Variants in RAB7B observed in about 807,000 individuals in gnomAD.
RAB7B encodes the protein RAB7B, member RAS oncogene family, also known as ras-related protein Rab-7b.
rs1054475248 is a variant in RAB7B at position 206,000,737 on chromosome 1, A to G, written c.-17+2516T>C. On this transcript the variant is annotated intron_variant, in intron 1 of 5. Coordinates refer to ENST00000617070, the MANE Select transcript of RAB7B (RefSeq NM_001164522.3). The stretch of plus-strand genomic sequence containing the variant: ...TTCCTATGGTGTAAACACTTCCACC[A>G]TGGCTGACTTCAAGCTACCAGCGTG... Among the ~76,000 whole-genome samples the G allele has an allele frequency of 3.9e-4, 59 of 152,310 alleles. 2 individuals carry two copies. Among genetic ancestry groups the G allele is most frequent in the Admixed American group, 3.8e-3 (58 of 15,306 alleles).
chr1:205,996,708 G>C, intron 1 of RAB7B, among the ~76,000 whole-genome samples: 1 of 152,262 alleles, frequency 6.6e-6, no homozygotes, highest in Middle Eastern at 3.4e-3. Flanking sequence ...CCTGAGACTG[G>C]GTAATTTATG....
In RAB7B at chr1:205,986,315, C is replaced by A. The variant is rs888863237; in HGVS notation, c.397-650G>T. ...GTCACTTTATCATATATGAACTCAT[C>A]TCATCCTCTCCATGACCCTGTGAGA... On this transcript the variant is annotated intron_variant, in intron 4 of 5. Coordinates refer to ENST00000617070, the MANE Select transcript of RAB7B (RefSeq NM_001164522.3). 7.0e-3 allele frequency among the ~76,000 whole-genome samples: 1,072 copies of A among 152,334 alleles called. 18 individuals are homozygous for A. The highest frequency in any genetic ancestry group is 0.023 in the African/African-American group (972 of 41,566).
chr1:205,990,689 C>T (rs1660706123), intron 4 of RAB7B, among the ~76,000 whole-genome samples: 1 of 152,076 alleles, frequency 6.6e-6, no homozygotes, highest in Non-Finnish European at 1.5e-5. Context: ...GCGAAATGTT[C>T]CCAGTGGAGG....
intron 5 of RAB7B, among the ~76,000 whole-genome samples, chr1:205,985,228 C>T (rs1660568445): frequency 6.6e-6 from 1 of 152,342 alleles, no homozygotes; most frequent in South Asian, 2.1e-4. Flanking sequence ...TTCTCAAACC[C>T]TTCCTCGTTA....
At position 205,978,681 on chromosome 1, in the gene RAB7B, A is replaced by C; in HGVS notation, c.*170T>G. 1 of 391,928 alleles carries C rather than the reference A, an allele frequency of 2.6e-6. No homozygotes were observed. The highest frequency in any genetic ancestry group is 4.5e-6 in the Non-Finnish European group (1 of 222,326). 24.3% of individuals were successfully genotyped at this position (391,928 alleles called of 1,614,324 possible). A position where few individuals can be genotyped will look rare whatever the true frequency, so the allele number is the denominator to read the frequency against. ...AGCCTGAGCCAGGGGCTGCCCTCTG[A>C]CTCTGGGCCCAGCACCAGGGTCAAG... On this transcript the variant is annotated 3_prime_UTR_variant, in exon 6 of 6. Coordinates refer to ENST00000617070, the MANE Select transcript of RAB7B (RefSeq NM_001164522.3).
In RAB7B at chr1:205,981,726, T is replaced by A. The variant is rs1384417331; in HGVS notation, c.523-2798A>T. Among the ~76,000 whole-genome samples the A allele has an allele frequency of 2.5e-5, 2 of 80,310 alleles. 1 individual carries two copies. The highest frequency in any genetic ancestry group is 5.6e-5 in the Non-Finnish European group (2 of 35,918). The allele number at this position is 80,310 out of a possible 152,430, so 52.7% of individuals were successfully genotyped here. On this transcript the variant is annotated intron_variant, in intron 5 of 5. Transcript: ENST00000617070. ...CCTACTGTGATTTCCTTCACAATGTTAACTGAACACCTACTCTGGTTTCTT... is the reference window on the plus strand; with the variant it reads ...CCTACTGTGATTTCCTTCACAATGTAAACTGAACACCTACTCTGGTTTCTT...
chr1:205,990,992 C>T (rs1257619424), intron 4 of RAB7B, among the ~76,000 whole-genome samples: 1 of 151,870 alleles, frequency 6.6e-6, no homozygotes, highest in Admixed American at 6.6e-5. Flanking sequence ...AGTCTGGTCT[C>T]GAACTCCAGA....
At chr1:205,988,080 G>T (rs1246441968) in intron 4 of RAB7B, among the ~76,000 whole-genome samples, 1 of 151,650 alleles carries the variant, frequency 6.6e-6, no homozygotes, top group Non-Finnish European at 1.5e-5. Context: ...TGGGCATTCG[G>T]TACATTCATA....
At chr1:205,985,981 T>C (rs1660598460) in intron 4 of RAB7B, among the ~76,000 whole-genome samples, 1 of 152,278 alleles carries the variant, frequency 6.6e-6, no homozygotes, top group Admixed American at 6.5e-5. Context: ...TATGTGAGGC[T>C]GAGCAGGATT....
chr1:205,979,820 G>A (rs1482222732), intron 5 of RAB7B, among the ~76,000 whole-genome samples: 2 of 152,150 alleles, frequency 1.3e-5, no homozygotes, highest in African/African-American at 4.8e-5. Flanking sequence ...TGTGTATCAC[G>A]CAAAATTGTC....
intron 1 of RAB7B, among the ~76,000 whole-genome samples, chr1:205,997,111 TC>T (rs1293580571): frequency 6.6e-6 from 1 of 152,188 alleles, no homozygotes; most frequent in East Asian, 1.9e-4. Flanking sequence ...GAACTTCTGC[TC>T]TAACCCAGGA....
At chr1:206,003,140 T>C (rs1489296690) in intron 1 of RAB7B, 113 bp downstream of exon 1, 1 of 152,286 alleles carries the variant, frequency 6.6e-6, no homozygotes, top group Non-Finnish European at 1.5e-5. Context: ...GCTGCCAGAT[T>C]GGAAATCTCA....
intron 1 of RAB7B, among the ~76,000 whole-genome samples, chr1:206,002,918 G>T (rs2102258263): frequency 6.6e-6 from 1 of 152,220 alleles, no homozygotes; most frequent in East Asian, 1.9e-4. Context: ...TTGCCCTCAT[G>T]CAGGGCTCTA....
intron 1 of RAB7B, among the ~76,000 whole-genome samples, chr1:205,998,302 G>A (rs1660839741): frequency 6.6e-6 from 1 of 152,190 alleles, no homozygotes; most frequent in African/African-American, 2.4e-5. Context: ...GTTGCAGTGA[G>A]CCGAGATCAT....
chr1:205,987,185 A>G (rs1660625441), intron 4 of RAB7B, among the ~76,000 whole-genome samples: 1 of 152,168 alleles, frequency 6.6e-6, no homozygotes, highest in South Asian at 2.1e-4. Context: ...AGCTACCCAG[A>G]CAGTATTTTT....
intron 1 of RAB7B, among the ~76,000 whole-genome samples, chr1:206,001,690 G>A (rs915764789): frequency 1.9e-3 from 284 of 152,240 alleles, no homozygotes; most frequent in Non-Finnish European, 2.8e-3. Flanking sequence ...ACTCCCCACT[G>A]GAGGTCCCCA....
chr1:205,989,716 G>T (rs991590488), intron 4 of RAB7B, among the ~76,000 whole-genome samples: 1 of 151,926 alleles, frequency 6.6e-6, no homozygotes, highest in South Asian at 2.1e-4. Context: ...TCTTTCCTTC[G>T]TGGTTTCTTG....
At chr1:205,985,793 C>CCACCATCCCCACCAGGCT in intron 4 of RAB7B, 128 bp from the exon 5 acceptor site, 1 of 392,838 alleles carries the variant, frequency 2.5e-6, no homozygotes, top group Non-Finnish European at 4.6e-6. Context: ...CCCACCAGGC[C>CCACCATCCCCACCAGGCT]CACCATCCCC....
At chr1:205,982,532 A>G (rs1469404186) in intron 5 of RAB7B, among the ~76,000 whole-genome samples, 9 of 152,258 alleles carry the variant, frequency 5.9e-5, no homozygotes, top group African/African-American at 2.2e-4. Flanking sequence ...TCTGCACTAC[A>G]ATAGCATTTT....
Sources: gnomAD v4.1 joint callset for allele counts (sites outside exome capture counted in the v4.1 genomes callset) on GRCh38, gnomAD v4.1.1 for gene constraint, MANE v1.5 for transcripts, NCBI Gene and HGNC (gene_info 2026-07-23, HGNC 2026-07-21) for gene names.